PKIG: variants seen among roughly 807,000 people sequenced by gnomAD.
PKIG encodes the protein protein kinase (cAMP-dependent, catalytic) inhibitor gamma.
PKIG carries 1 observed loss-of-function variant against 6.8 expected under a neutral mutation model. The observed-to-expected ratio is 0.15, with a 90% CI of 0.05 to 0.69. The LOEUF is 0.69. PKIG is among the 30% of genes least tolerant of loss of function. The pLI, the probability that PKIG is intolerant of heterozygous loss-of-function variation, is 0.82. For missense variants in PKIG, 77 were observed against 104.0 expected (o/e 0.74, Z 1.13); for synonymous variants, 39 against 43.0 (o/e 0.91, Z 0.36).
At chr20:44,535,769 A>G (rs187203238) in intron 1 of PKIG, among the ~76,000 whole-genome samples, 256 of 152,370 alleles carry the variant, frequency 1.7e-3, no homozygotes, top group African/African-American at 5.6e-3. Context: ...GTTTATAATA[A>G]AAATGTCTGG....
intron 2 of PKIG, 45 bp downstream of exon 2, chr20:44,589,911 G>A (rs1568825146): frequency 6.6e-6 from 1 of 152,296 alleles, no homozygotes; most frequent in African/African-American, 2.4e-5. Context: ...AGCAGCACAC[G>A]TTTTTGCCTG....
chr20:44,600,768 G>A (rs2065115309), intron 2 of PKIG, among the ~76,000 whole-genome samples: 1 of 152,032 alleles, frequency 6.6e-6, no homozygotes, highest in Non-Finnish European at 1.5e-5. Context: ...CGAGGTCAGG[G>A]ATGGTCCTGG....
intron 1 of PKIG, among the ~76,000 whole-genome samples, chr20:44,551,501 A>G (rs2064668303): frequency 6.6e-6 from 1 of 152,234 alleles, no homozygotes; most frequent in Non-Finnish European, 1.5e-5. Flanking sequence ...TTGATATTTA[A>G]AAATCAAGCA....
chr20:44,553,581 C>T (rs1188209337), intron 1 of PKIG, among the ~76,000 whole-genome samples: 1 of 152,074 alleles, frequency 6.6e-6, no homozygotes, highest in Non-Finnish European at 1.5e-5. Context: ...TGACTGATAT[C>T]TTTGTGCCTT....
At chr20:44,583,266 A>G (rs917271982) in intron 1 of PKIG, among the ~76,000 whole-genome samples, 3 of 152,224 alleles carry the variant, frequency 2.0e-5, no homozygotes, top group Non-Finnish European at 4.4e-5. Context: ...AGCTGTGTGG[A>G]AAACTCCAAG....
At chr20:44,557,383 T>C (rs1158679603) in intron 1 of PKIG, among the ~76,000 whole-genome samples, 1 of 151,540 alleles carries the variant, frequency 6.6e-6, no homozygotes, top group East Asian at 1.9e-4. Flanking sequence ...AAAAATTAGC[T>C]GGTGTGGTGG....
chr20:44,574,477 G>C (rs6031659), intron 1 of PKIG, among the ~76,000 whole-genome samples: 1 of 151,962 alleles, frequency 6.6e-6, no homozygotes, highest in Non-Finnish European at 1.5e-5. Flanking sequence ...TGTTTCATCT[G>C]TGCTGGTAGC....
At chr20:44,551,101 C>T (rs986378037) in intron 1 of PKIG, among the ~76,000 whole-genome samples, 1 of 151,944 alleles carries the variant, frequency 6.6e-6, no homozygotes, top group Non-Finnish European at 1.5e-5. Flanking sequence ...CTTGCTCTGT[C>T]GCCCAGGCTG....
intron 1 of PKIG, among the ~76,000 whole-genome samples, chr20:44,557,252 G>A (rs1055910225): frequency 1.1e-4 from 16 of 152,082 alleles, no homozygotes; most frequent in Admixed American, 5.2e-4. Context: ...GGCTGGGCGC[G>A]GTGGCTCACC....
intron 1 of PKIG, among the ~76,000 whole-genome samples, chr20:44,535,463 A>G (rs1297739994): frequency 6.6e-6 from 1 of 152,232 alleles, no homozygotes; most frequent in African/African-American, 2.4e-5. Flanking sequence ...CAACATGGTG[A>G]AACCCCATCT....
At chr20:44,567,304 A>T (rs1026794556) in intron 1 of PKIG, among the ~76,000 whole-genome samples, 1 of 152,216 alleles carries the variant, frequency 6.6e-6, no homozygotes, top group African/African-American at 2.4e-5. Flanking sequence ...CTGCAAGGTC[A>T]GCCCCGTAAG....
chr20:44,614,686 G>C lies in PKIG; in HGVS notation c.130G>C (p.Glu44Gln). The change falls in exon 3 of 4, where the codon GAG (glutamate) becomes CAG (glutamine). Residue 44 changes from glutamate (E) to glutamine (Q), a missense_variant. Transcript: ENST00000372886. The surrounding 1 kb of genome is among the most constrained non-coding windows in gnomAD (Gnocchi z 4.6). Reference protein sequence around the residue: ...SVRKLAGDMGELALEGAEGQV... With the variant: ...SVRKLAGDMGQLALEGAEGQV... ...GAGGAAGCTGGCTGGAGACATGGGC[G>C]AGCTGGCACTCGAGGGGGCAGGTTA... 6.2e-7 allele frequency: 1 copy of C among 1,613,860 alleles called. No homozygotes were observed. The highest frequency in any genetic ancestry group is 8.5e-7 in the Non-Finnish European group (1 of 1,180,024).
intron 1 of PKIG, among the ~76,000 whole-genome samples, chr20:44,572,571 C>T (rs575583167): frequency 6.6e-6 from 1 of 151,738 alleles, no homozygotes; most frequent in African/African-American, 2.4e-5. Context: ...CTGGGGGTGG[C>T]GTGGGGAGGG....
Position 44,589,797 on chromosome 20 carries a change from A to C in PKIG, c.-93A>C, listed in dbSNP as rs1036786926. 32 of 152,328 alleles carry C rather than the reference A, an allele frequency of 2.1e-4. 1 individual carries two copies. The highest frequency in any genetic ancestry group is 7.5e-4 in the African/African-American group (31 of 41,432). The allele number at this position is 152,328 out of a possible 1,614,324, so 9.4% of individuals were successfully genotyped here. ...TTTTGTTTTTCTTCTGGTTCCTTAG[A>C]ATTCCCGTACTGATTAGTCAACAGT... On this transcript the variant is annotated splice_region_variant and 5_prime_UTR_variant, in exon 2 of 4. Coordinates refer to ENST00000372886, the MANE Select transcript of PKIG (RefSeq NM_001281445.2).
chr20:44,548,500 C>T (rs2064636866), intron 1 of PKIG, among the ~76,000 whole-genome samples: 1 of 151,982 alleles, frequency 6.6e-6, no homozygotes, highest in African/African-American at 2.4e-5. Flanking sequence ...GTAGCTTGTC[C>T]ATATATGCAC....
intron 1 of PKIG, among the ~76,000 whole-genome samples, chr20:44,555,416 A>T (rs2064704571): frequency 6.6e-6 from 1 of 152,220 alleles, no homozygotes; most frequent in Admixed American, 6.5e-5. Flanking sequence ...TATAGGTTTT[A>T]TGTAAGTTTA....
At chr20:44,577,104 G>A (rs573712452) in intron 1 of PKIG, among the ~76,000 whole-genome samples, 4 of 151,724 alleles carry the variant, frequency 2.6e-5, no homozygotes, top group Non-Finnish European at 5.9e-5. Context: ...AACATTGTGT[G>A]TATGTGTGTG....
chr20:44,611,827 ATTTTTT>A (rs950798756), intron 2 of PKIG, among the ~76,000 whole-genome samples: 1 of 146,784 alleles, frequency 6.8e-6, no homozygotes, highest in Admixed American at 6.8e-5. Context: ...CCGATAACAA[ATTTTTT>A]TTTTTTTAAG....
intron 1 of PKIG, among the ~76,000 whole-genome samples, chr20:44,557,575 C>T (rs1167919135): frequency 6.9e-6 from 1 of 144,858 alleles, no homozygotes; most frequent in African/African-American, 2.6e-5. Context: ...AATCCCAACA[C>T]TTTGGGAGGC....
Sources: allele counts gnomAD v4.1 joint callset (sites outside exome capture counted in the v4.1 genomes callset), GRCh38; gene constraint gnomAD v4.1.1; non-coding constraint Gnocchi (gnomAD v3.1); transcripts MANE v1.5; gene names NCBI Gene and HGNC (gene_info 2026-07-23, HGNC 2026-07-21).